Variants in ZRANB1 observed in about 807,000 individuals in gnomAD.
The protein encoded by ZRANB1 is zinc finger RANBP2-type containing 1.
Under a neutral mutation model 80.5 loss-of-function variants are expected in ZRANB1, and 16 were observed. The observed-to-expected ratio is 0.20, with a 90% confidence interval of 0.13 to 0.30. ZRANB1 has a LOEUF of 0.30. ZRANB1 is among the 10% of genes least tolerant of loss of function. ZRANB1 has a pLI of 1.00. For synonymous variants in ZRANB1, 291 were observed against 293.1 expected (o/e 0.99, Z 0.07); for missense variants, 576 against 862.6 (o/e 0.67, Z 4.16).
At position 124,971,962 on chromosome 10, in the gene ZRANB1, A is replaced by C. The variant is rs757430258; in HGVS notation, c.1003-3A>C. On this transcript the variant is annotated splice_region_variant and splice_polypyrimidine_tract_variant and intron_variant, in intron 2 of 8. Transcript: ENST00000359653. ...TGAGAGGAAGGTTTCTTTTGTATTT[A>C]AGGTGTCTCAACAAGCAGCAAAGTG... The C allele has an allele frequency of 6.3e-7, 1 of 1,587,512 alleles. No homozygotes were observed. The highest frequency in any genetic ancestry group is 8.6e-7 in the Non-Finnish European group (1 of 1,167,808).
intron 1 of ZRANB1, among the ~76,000 whole-genome samples, chr10:124,957,843 C>T (rs1951699480): frequency 6.6e-6 from 1 of 152,040 alleles, no homozygotes; most frequent in Admixed American, 6.6e-5. Context: ...TCTCCTGCTT[C>T]AGCCTCCCAA....
In ZRANB1 at chr10:124,983,733, C is replaced by T. The variant is rs1261650278; in HGVS notation, c.1908+45C>T. On this transcript the variant is annotated intron_variant, in intron 8 of 8. Coordinates refer to ENST00000359653, the MANE Select transcript of ZRANB1 (RefSeq NM_017580.3). This position sits in a 1 kb window ranked among gnomAD's most constrained non-coding sequence, Gnocchi z 6.2. The stretch of plus-strand genomic sequence containing the variant: ...AACTATTTCTAGTAGTGACCTTGTA[C>T]CAGAAACAGCCTGAAGTGCCTTTCA... 2 of 1,437,944 alleles carry T rather than the reference C, an allele frequency of 1.4e-6. No individual in the cohort carries two copies. Among genetic ancestry groups the T allele is most frequent in the Non-Finnish European group, 1.9e-6 (2 of 1,052,672 alleles). 89.1% of individuals were successfully genotyped at this position (1,437,944 alleles called of 1,614,324 possible). A position where few individuals can be genotyped will look rare whatever the true frequency, so the allele number is the denominator to read the frequency against.
Position 124,983,593 on chromosome 10 carries a change from A to C in ZRANB1, c.1813A>C (p.Asn605His). The stretch of plus-strand genomic sequence containing the variant: ...CTATGGCAACCGAGGTGCTGGTGCT[A>C]ATCTCAATACCGATGATGATGTCAC... ...DGYGNRGAGA[N>H]LNTDDDVTIT... The change falls in exon 8 of 9, where the codon AAT becomes CAT. Residue 605 changes from asparagine (N) to histidine (H), a missense_variant. Asn to His is a moderately conservative substitution (Grantham distance 68). Around this residue, in one of 3 missense-constraint regions of ZRANB1, gnomAD observed 152 missense variants for 221.9 expected, o/e 0.69. Coordinates refer to ENST00000359653, the MANE Select transcript of ZRANB1 (RefSeq NM_017580.3). This position sits in a 1 kb window ranked among gnomAD's most constrained non-coding sequence, Gnocchi z 6.2. 1 of 1,614,116 alleles carries C rather than the reference A, an allele frequency of 6.2e-7. No individual in the cohort carries two copies. The highest frequency in any genetic ancestry group is 8.5e-7 in the Non-Finnish European group (1 of 1,180,012).
chr10:124,941,642 C>T (rs906743099), upstream of ZRANB1, among the ~76,000 whole-genome samples: 2 of 151,964 alleles, frequency 1.3e-5, no homozygotes, highest in African/African-American at 4.8e-5. Context: ...GAGCTACTGC[C>T]CCCGGCCATG....
intron 1 of ZRANB1, among the ~76,000 whole-genome samples, chr10:124,945,014 CA>C (rs1951568376): frequency 6.6e-6 from 1 of 152,164 alleles, no homozygotes; most frequent in Non-Finnish European, 1.5e-5. Flanking sequence ...GGGCAACATA[CA>C]GTATGATTGT....
At chr10:124,933,829 G>A in the ZRANB1 span, among the ~76,000 whole-genome samples, 903 of 152,290 alleles carry the variant, frequency 5.9e-3, 5 homozygotes, top group African/African-American at 0.02. Context: ...TCACTTTCTT[G>A]TTACGATTGA....
At chr10:124,982,976 T>G (rs1282213156) in intron 6 of ZRANB1, among the ~76,000 whole-genome samples, 199 bp from the exon 7 acceptor site, 1 of 152,246 alleles carries the variant, frequency 6.6e-6, no homozygotes, top group Admixed American at 6.5e-5. Context: ...GTAAATGATA[T>G]TTGCATGTAG....
chr10:124,987,134 T>A lies in ZRANB1; in HGVS notation c.*2142T>A, dbSNP rs1205329441. On this transcript the variant is annotated 3_prime_UTR_variant, in exon 9 of 9. Coordinates refer to ENST00000359653, the MANE Select transcript of ZRANB1 (RefSeq NM_017580.3). ...GGCTGTTAAAGGCCAAAAATTTTGGTAAATCAATGCTATATTATGCTCTTG... is the reference window on the plus strand; with the variant it reads ...GGCTGTTAAAGGCCAAAAATTTTGGAAAATCAATGCTATATTATGCTCTTG... 2.0e-5 allele frequency: 3 copies of A among 152,724 alleles called. No individual in the cohort carries two copies. 9.5% of individuals were successfully genotyped at this position (152,724 alleles called of 1,614,324 possible). A position where few individuals can be genotyped will look rare whatever the true frequency, so the allele number is the denominator to read the frequency against.
chr10:124,960,998 TG>T (rs1951728581), intron 1 of ZRANB1, among the ~76,000 whole-genome samples: 1 of 151,938 alleles, frequency 6.6e-6, no homozygotes, highest in Non-Finnish European at 1.5e-5. Context: ...GTTTTTGTTT[TG>T]TTTTTTGTTT....
chr10:124,972,400 C>T (rs1345900478), intron 3 of ZRANB1, among the ~76,000 whole-genome samples: 1 of 152,090 alleles, frequency 6.6e-6, no homozygotes, highest in Non-Finnish European at 1.5e-5. Flanking sequence ...TTATTTTTCT[C>T]TTTGGTTTTA....
At chr10:124,926,419 A>G in the ZRANB1 span, among the ~76,000 whole-genome samples, 1 of 152,230 alleles carries the variant, frequency 6.6e-6, no homozygotes, top group Admixed American at 6.5e-5. Flanking sequence ...TCCTTACCTT[A>G]TAAGCTTTTT....
At chr10:124,976,257 G>C (rs1007612185) in intron 5 of ZRANB1, among the ~76,000 whole-genome samples, 2 of 152,158 alleles carry the variant, frequency 1.3e-5, no homozygotes, top group African/African-American at 4.8e-5. Flanking sequence ...TCAGTGCTCT[G>C]CCGGTCTGGC....
chr10:124,924,053 A>G, the ZRANB1 span, among the ~76,000 whole-genome samples: 3 of 151,638 alleles, frequency 2.0e-5, no homozygotes, highest in Non-Finnish European at 2.9e-5. Context: ...TGTCAAGTCA[A>G]TTTTTAATGT....
chr10:124,929,230 A>G, the ZRANB1 span, among the ~76,000 whole-genome samples: 1 of 152,080 alleles, frequency 6.6e-6, no homozygotes, highest in Non-Finnish European at 1.5e-5. Context: ...TGTGTTTATA[A>G]TCATGGAAGG....
the ZRANB1 span, among the ~76,000 whole-genome samples, chr10:124,937,076 T>A: frequency 5.3e-5 from 8 of 152,158 alleles, no homozygotes; most frequent in East Asian, 1.5e-3. Context: ...TGCCTCAGCC[T>A]CCTGAGTAGC....
At chr10:124,943,528 A>AGTGTGTGT (rs4020644) in intron 1 of ZRANB1, among the ~76,000 whole-genome samples, 1 of 148,622 alleles carries the variant, frequency 6.7e-6, no homozygotes, top group African/African-American at 2.5e-5. Context: ...CAAAAATGTG[A>AGTGTGTGT]GTGTGTGTGT....
upstream of ZRANB1, among the ~76,000 whole-genome samples, chr10:124,941,222 T>G (rs1392551550): frequency 6.6e-6 from 1 of 152,142 alleles, no homozygotes; most frequent in Admixed American, 6.5e-5. Context: ...TTAAATTTGT[T>G]ATGTAAGTTG....
At position 124,986,319 on chromosome 10, in the gene ZRANB1, ACACAGT is replaced by A. The variant is rs1272559159; in HGVS notation, c.*1328_*1333del. The A allele has an allele frequency of 1.2e-4, 19 of 152,294 alleles. No individual in the cohort carries two copies. The highest frequency in any genetic ancestry group is 4.6e-4 in the African/African-American group (19 of 41,238). 9.4% of individuals were successfully genotyped at this position (152,294 alleles called of 1,614,324 possible). On this transcript the variant is annotated 3_prime_UTR_variant, in exon 9 of 9. Transcript: ENST00000359653. The stretch of plus-strand genomic sequence containing the variant: ...CACACACACACACACACACACACAC[ACACAGT>A]TTTTTCCTTCCCTGTGATGAAAAAG...
upstream of ZRANB1, among the ~76,000 whole-genome samples, chr10:124,939,972 GA>G (rs34091022): frequency 0.59 from 89,957 of 151,888 alleles, 30,278 homozygotes; most frequent in Non-Finnish European, 0.75. Context: ...TTGGATCAGG[GA>G]AAAAAATGCA....
Sources: gnomAD v4.1 joint callset for allele counts (sites outside exome capture counted in the v4.1 genomes callset) on GRCh38, gnomAD v4.1.1 for gene constraint, gnomAD v4.1.1 regional missense constraint, Gnocchi (gnomAD v3.1) non-coding constraint, MANE v1.5 for transcripts, NCBI Gene and HGNC (gene_info 2026-07-23, HGNC 2026-07-21) for gene names.